VRK3: variants seen among roughly 807,000 people sequenced by gnomAD.
VRK3 encodes serine/threonine-protein kinase VRK3.
In VRK3, 50 loss-of-function variants were observed where a neutral mutation model predicts 60.4. That is an observed-to-expected ratio of 0.83 (90% CI 0.66 to 1.05). The LOEUF is 1.05. Among genes scored for constraint, VRK3 ranks in the 50% least tolerant of loss-of-function variants. The probability of loss-of-function intolerance (pLI) is 0.00; values close to 1 mark genes in which losing one functional copy is unlikely to be tolerated. For missense variants in VRK3, 549 were observed against 585.3 expected (o/e 0.94, Z 0.64); for synonymous variants, 246 against 227.8 (o/e 1.08, Z -0.72).
At chr19:50,006,773 C>A (rs566839191) in intron 5 of VRK3, among the ~76,000 whole-genome samples, 114 of 152,320 alleles carry the variant, frequency 7.5e-4, no homozygotes, top group Non-Finnish European at 1.2e-3. Flanking sequence ...TTAGAACAGG[C>A]CTGGCCTTGC....
chr19:50,017,124 G>A lies in VRK3; in HGVS notation c.-1-961C>T, dbSNP rs147773545. On this transcript the variant is annotated intron_variant, in intron 2 of 14. Coordinates refer to ENST00000316763, the MANE Select transcript of VRK3 (RefSeq NM_016440.4). The stretch of plus-strand genomic sequence containing the variant: ...CAGGAAAGTTGCTTGAACCCGGGAG[G>A]TGGAGGTTGCAGTGAACCAAGATCA... Among the ~76,000 whole-genome samples the A allele has an allele frequency of 1.7e-3, 259 of 152,152 alleles. 2 individuals are homozygous for A. Among genetic ancestry groups the A allele is most frequent in the African/African-American group, 6.0e-3 (250 of 41,522 alleles).
intron 2 of VRK3, among the ~76,000 whole-genome samples, chr19:50,018,116 C>T (rs528141767): frequency 1.3e-5 from 2 of 152,330 alleles, no homozygotes; most frequent in East Asian, 1.9e-4. Flanking sequence ...AGCTACTTAA[C>T]CTCTCTGTGT....
chr19:49,990,634 G>A lies in VRK3; in HGVS notation c.964-863C>T, dbSNP rs772761399. On this transcript the variant is annotated intron_variant, in intron 10 of 14. Coordinates refer to ENST00000316763, the MANE Select transcript of VRK3 (RefSeq NM_016440.4). Reference sequence around the variant, plus strand: ...GTGATCCTCCTGCCTTGGCCACTGTGCCCAGTCCATGTCTTCTTTTCAATG... The same window carrying A: ...GTGATCCTCCTGCCTTGGCCACTGTACCCAGTCCATGTCTTCTTTTCAATG... Among the ~76,000 whole-genome samples, 34 of 151,998 alleles carry A rather than the reference G, an allele frequency of 2.2e-4. 1 individual carries two copies. Among genetic ancestry groups the A allele is most frequent in the South Asian group, 2.1e-4 (1 of 4,824 alleles).
In VRK3 at chr19:50,000,781, G is replaced by T. The variant is rs775909481; in HGVS notation, c.612+9C>A. 1 of 1,611,716 alleles carries T rather than the reference G, an allele frequency of 6.2e-7. No homozygotes were observed. The highest frequency in any genetic ancestry group is 8.5e-7 in the Non-Finnish European group (1 of 1,178,928). The stretch of plus-strand genomic sequence containing the variant: ...CTCCAAGCTGCCCCCCACCTGCAGG[G>T]TCACTTACCAGTTTGAGTGAGAACT... On this transcript the variant is annotated intron_variant, in intron 6 of 14. Coordinates refer to ENST00000316763, the MANE Select transcript of VRK3 (RefSeq NM_016440.4).
intron 10 of VRK3, among the ~76,000 whole-genome samples, chr19:49,990,815 C>T (rs555633269): frequency 5.3e-5 from 8 of 151,734 alleles, no homozygotes; most frequent in African/African-American, 1.9e-4. Flanking sequence ...GACAGGGTCT[C>T]ACTGGGTCAC....
intron 14 of VRK3, chr19:49,978,855 C>T (rs1026542883): frequency 1.2e-5 from 5 of 427,858 alleles, no homozygotes; most frequent in Non-Finnish European, 1.7e-5. Context: ...CTACAACAGC[C>T]AATCAATCCC....
In VRK3 at chr19:49,982,249, C is replaced by A. The variant is rs974827297; in HGVS notation, c.1218-1236G>T. ...AACAGCACCGTAGCTCATGCCTGAA[C>A]AAAGCTGATAAAACACACGAATTAT... is the stretch of plus-strand genomic sequence containing the variant. On this transcript the variant is annotated intron_variant, in intron 12 of 14. Coordinates refer to ENST00000316763, the MANE Select transcript of VRK3 (RefSeq NM_016440.4). 4 of 702,426 alleles carry A rather than the reference C, an allele frequency of 5.7e-6. No individual in the cohort carries two copies. The East Asian group carries it at 1.1e-4, about 19-fold the overall frequency. 43.5% of individuals were successfully genotyped at this position (702,426 alleles called of 1,614,324 possible).
At chr19:50,012,687 C>G (rs1331303860) in intron 3 of VRK3, among the ~76,000 whole-genome samples, 1 of 151,642 alleles carries the variant, frequency 6.6e-6, no homozygotes, top group Non-Finnish European at 1.5e-5. Context: ...CCAGCCTGGC[C>G]AACATGGGGA....
intron 5 of VRK3, among the ~76,000 whole-genome samples, chr19:50,006,114 T>C (rs1159176787): frequency 1.4e-5 from 2 of 139,508 alleles, no homozygotes; most frequent in Non-Finnish European, 2.9e-5. Flanking sequence ...GGTAACACCC[T>C]GTCTCTACTA....
At position 50,009,389 on chromosome 19, in the gene VRK3, A is replaced by C. The variant is rs1287932392; in HGVS notation, c.140-4T>G. ...GAGTTCAGCCCTCTCTTTGAGCCTA[A>C]AGAAAGGCAGACAAAATGCAGACTG... is the stretch of plus-strand genomic sequence containing the variant. On this transcript the variant is annotated splice_region_variant and splice_polypyrimidine_tract_variant and intron_variant, in intron 3 of 14. Coordinates refer to ENST00000316763, the MANE Select transcript of VRK3 (RefSeq NM_016440.4). The C allele has an allele frequency of 6.2e-7, 1 of 1,613,018 alleles. No individual in the cohort carries two copies. The highest frequency in any genetic ancestry group is 8.5e-7 in the Non-Finnish European group (1 of 1,179,646).
At chr19:49,977,439 G>A (rs940647793) in intron 14 of VRK3, among the ~76,000 whole-genome samples, 12 of 152,136 alleles carry the variant, frequency 7.9e-5, no homozygotes, top group African/African-American at 2.7e-4. Context: ...GTTGTCAGGT[G>A]TCAGGTTCTA....
At position 49,994,868 on chromosome 19, in the gene VRK3, G is replaced by A. The variant is rs1371866159; in HGVS notation, c.816C>T (p.Val272=). ...TCTCTGACAGCACATGCTTTGGGCT[G>A]ACATCCAGGGCCGACTGAAGGCTCC... The part of the protein sequence containing the change: ...LGRSLQSALD[V]SPKHVLSERS... Residue 272 remains valine (V), a synonymous_variant, in exon 9 of 15, where the codon GTC becomes GTT. Transcript: ENST00000316763. The A allele has an allele frequency of 2.5e-6, 4 of 1,614,046 alleles. No homozygotes were observed. In the Admixed American group the frequency reaches 5.0e-5, roughly 20 times the overall value.
At chr19:50,018,594 C>T (rs1431835687) in intron 2 of VRK3, among the ~76,000 whole-genome samples, 1 of 152,210 alleles carries the variant, frequency 6.6e-6, no homozygotes, top group African/African-American at 2.4e-5. Context: ...ACTGCAAAGG[C>T]TGTTGGTCAA....
chr19:49,986,244 T>G (rs565719950), intron 12 of VRK3: 15 of 152,604 alleles, frequency 9.8e-5, no homozygotes, highest in African/African-American at 2.9e-4. Flanking sequence ...ACTAGGTGTA[T>G]AGTTAAAGTT....
intron 3 of VRK3, among the ~76,000 whole-genome samples, chr19:50,015,240 T>C (rs12461353): frequency 0.13 from 19,017 of 151,886 alleles, 1,366 homozygotes; most frequent in East Asian, 0.33. Flanking sequence ...AAATGCAAAA[T>C]GCTCCAAAAT....
intron 12 of VRK3, 197 bp downstream of exon 12, chr19:49,988,175 C>T: frequency 1.4e-6 from 1 of 701,056 alleles, no homozygotes; most frequent in South Asian, 2.0e-5. Context: ...AGTCTGAGCC[C>T]AGGCAGTGTG....
intron 12 of VRK3, among the ~76,000 whole-genome samples, chr19:49,984,320 G>T (rs1157470887): frequency 6.6e-6 from 1 of 152,190 alleles, no homozygotes; most frequent in Non-Finnish European, 1.5e-5. Flanking sequence ...GAGCTGTGCT[G>T]TCCTGTCTGC....
chr19:49,990,780 A>G (rs2076597171), intron 10 of VRK3, among the ~76,000 whole-genome samples: 1 of 150,482 alleles, frequency 6.6e-6, no homozygotes, highest in Non-Finnish European at 1.5e-5. Flanking sequence ...CATTAAAAAA[A>G]TAATTTTTTT....
chr19:49,995,462 A>G (rs971698238), intron 7 of VRK3, among the ~76,000 whole-genome samples, 187 bp from the exon 8 acceptor site: 3 of 152,200 alleles, frequency 2.0e-5, no homozygotes, highest in African/African-American at 4.8e-5. Flanking sequence ...GGTGACCATG[A>G]ATGTCTGTGA....
Sources: allele counts gnomAD v4.1 joint callset (sites outside exome capture counted in the v4.1 genomes callset), GRCh38; gene constraint gnomAD v4.1.1; transcripts MANE v1.5; gene names NCBI Gene and HGNC (gene_info 2026-07-23, HGNC 2026-07-21).